The following PRKCQ variants were observed in gnomAD, a reference collection of about 807,000 sequenced individuals.
PRKCQ encodes protein kinase C theta type.
Under a neutral mutation model 91.2 loss-of-function variants are expected in PRKCQ, and 41 were observed. The ratio of observed to expected loss-of-function variants is 0.45; its 90% CI spans 0.35 to 0.58. The LOEUF is 0.58. Ranked by LOEUF, PRKCQ falls within the 20% of genes least tolerant of loss-of-function variation. PRKCQ has a pLI of 0.00. For synonymous variants in PRKCQ, 307 were observed against 316.9 expected, an observed-to-expected ratio of 0.97 and a Z score of 0.33; for missense variants, 673 against 896.5, an observed-to-expected ratio of 0.75 and a Z score of 3.18.
chr10:6,442,397 T>C (rs1834015584), intron 15 of PRKCQ, among the ~76,000 whole-genome samples: 1 of 152,230 alleles, frequency 6.6e-6, no homozygotes, highest in African/African-American at 2.4e-5. Context: ...GTGGCAGATA[T>C]TGGACCTAAG....
At chr10:6,505,951 C>A (rs533722547) in intron 4 of PRKCQ, among the ~76,000 whole-genome samples, 1 of 152,092 alleles carries the variant, frequency 6.6e-6, no homozygotes, top group South Asian at 2.1e-4. Context: ...CAGACAAGAC[C>A]CTTTTTCAAT....
At chr10:6,517,485 T>C (rs1402842270) in intron 1 of PRKCQ, among the ~76,000 whole-genome samples, 1 of 151,842 alleles carries the variant, frequency 6.6e-6, no homozygotes, top group East Asian at 1.9e-4. Flanking sequence ...TGACATCCTA[T>C]TGACAGTAGC....
At chr10:6,488,084 A>T (rs1006416762) in intron 8 of PRKCQ, among the ~76,000 whole-genome samples, 2 of 151,936 alleles carry the variant, frequency 1.3e-5, no homozygotes, top group African/African-American at 4.8e-5. Context: ...CAGCTGACAG[A>T]GTCTGTGAGT....
the PRKCQ span, among the ~76,000 whole-genome samples, chr10:6,400,297 C>T: frequency 6.6e-6 from 1 of 152,236 alleles, no homozygotes; most frequent in Admixed American, 6.5e-5. Flanking sequence ...TCTTCCTCAT[C>T]TCCTGCTCTG....
rs569351356 is a variant in PRKCQ, at chr10:6,514,687, T to C, written c.118+331A>G. Among the ~76,000 whole-genome samples the C allele has an allele frequency of 1.5e-4, 23 of 152,332 alleles. No homozygotes were observed. The South Asian group carries it at 4.6e-3, about 30-fold the overall frequency. ...TTTAAAGTAACCAGGCTTAACCACA[T>C]AGGGCTATGTTCTACTTCAGCTCAT... On this transcript the variant is annotated intron_variant, in intron 2 of 17. Coordinates refer to ENST00000263125, the MANE Select transcript of PRKCQ (RefSeq NM_006257.5).
chr10:6,501,282 G>A (rs1198039588), intron 4 of PRKCQ, among the ~76,000 whole-genome samples: 5 of 151,782 alleles, frequency 3.3e-5, no homozygotes, highest in African/African-American at 1.2e-4. Flanking sequence ...GTAAAAAGGT[G>A]AAAAAAAAGA....
the PRKCQ span, among the ~76,000 whole-genome samples, chr10:6,397,237 C>T: frequency 6.6e-6 from 1 of 152,096 alleles, no homozygotes; most frequent in South Asian, 2.1e-4. Context: ...GCTGGGATTA[C>T]AGGCATGCGC....
At position 6,523,860 on chromosome 10, in the gene PRKCQ, G is replaced by A. The variant is rs1035383938; in HGVS notation, c.-9-8716C>T. Among the ~76,000 whole-genome samples, 13 of 152,102 alleles carry A rather than the reference G, an allele frequency of 8.5e-5. No homozygotes were observed. In the East Asian group the frequency reaches 1.2e-3, roughly 14 times the overall value. On this transcript the variant is annotated intron_variant, in intron 1 of 17. Coordinates refer to ENST00000263125, the MANE Select transcript of PRKCQ (RefSeq NM_006257.5). ...CTTAACCTGTTATTTAAAAGCCTCC[G>A]TGTATTGAGTTCAAGTTGCCCCCTT...
In PRKCQ at chr10:6,464,206, C is replaced by A. The variant is rs140870575; in HGVS notation, c.1445+107G>T. 309 of 925,464 alleles carry A rather than the reference C, an allele frequency of 3.3e-4. No individual in the cohort carries two copies. The African/African-American group carries it at 4.4e-3, about 13-fold the overall frequency. 57.3% of individuals were successfully genotyped at this position (925,464 alleles called of 1,614,324 possible). ...CTTGCTCGATGTATTCCCAAGGGTT[C>A]ACCTGGCCCTGGGATTCAGGCATGC... On this transcript the variant is annotated intron_variant, in intron 13 of 17. Transcript: ENST00000263125.
At chr10:6,532,285 T>C (rs534060307) in intron 1 of PRKCQ, among the ~76,000 whole-genome samples, 1 of 152,240 alleles carries the variant, frequency 6.6e-6, no homozygotes, top group South Asian at 2.1e-4. Flanking sequence ...GCATATAATA[T>C]GAAGAGATTA....
In PRKCQ at chr10:6,576,951, C is replaced by A. The variant is rs1041206548; in HGVS notation, c.-10+3260G>T. The stretch of plus-strand genomic sequence containing the variant: ...TTGGAGGTTAAATGAAGCAGTAATG[C>A]CTCTTACATATAAATAAAATTCTGA... On this transcript the variant is annotated intron_variant, in intron 1 of 17. Transcript: ENST00000263125. The surrounding 1 kb of genome is among the most constrained non-coding windows in gnomAD (Gnocchi z 4.2). Among the ~76,000 whole-genome samples the A allele has an allele frequency of 6.6e-6, 1 of 151,986 alleles. No individual in the cohort carries two copies. Among genetic ancestry groups the A allele is most frequent in the Non-Finnish European group, 1.5e-5 (1 of 67,990 alleles).
intron 15 of PRKCQ, among the ~76,000 whole-genome samples, chr10:6,454,545 A>G (rs993901537): frequency 3.9e-5 from 6 of 152,100 alleles, no homozygotes; most frequent in East Asian, 1.9e-4. Context: ...GGTAAGAAAG[A>G]AAGGGGAAAT....
chr10:6,489,515 A>T (rs1305139333), intron 8 of PRKCQ: 3 of 513,514 alleles, frequency 5.8e-6, no homozygotes, highest in South Asian at 4.4e-5. Flanking sequence ...GGCCCTACTT[A>T]AGACGACGGC....
At chr10:6,452,414 T>A (rs374293150) in intron 15 of PRKCQ, among the ~76,000 whole-genome samples, 27 of 151,948 alleles carry the variant, frequency 1.8e-4, no homozygotes, top group Non-Finnish European at 2.5e-4. Context: ...TGCTCAATGA[T>A]ATAAAAGAGG....
intron 1 of PRKCQ, chr10:6,515,546 A>G: frequency 1.0e-6 from 1 of 972,142 alleles, no homozygotes; most frequent in Non-Finnish European, 1.2e-6. Flanking sequence ...ATATAGAGCG[A>G]GTCTATTTTA....
chr10:6,574,115 A>C (rs892391226), intron 1 of PRKCQ, among the ~76,000 whole-genome samples: 7 of 152,180 alleles, frequency 4.6e-5, no homozygotes, highest in African/African-American at 1.7e-4. Context: ...GACCCCGTAA[A>C]AAAAAATGCA....
chr10:6,416,607 C>T, the PRKCQ span, among the ~76,000 whole-genome samples: 2 of 152,288 alleles, frequency 1.3e-5, no homozygotes, highest in Admixed American at 6.5e-5. Context: ...TTTATGCACT[C>T]ATTGGTTGAT....
At chr10:6,544,155 A>G (rs1024198999) in intron 1 of PRKCQ, among the ~76,000 whole-genome samples, 3 of 152,218 alleles carry the variant, frequency 2.0e-5, no homozygotes, top group East Asian at 3.9e-4. Context: ...AGGGTTATGT[A>G]GAATATTCAT....
Position 6,576,061 on chromosome 10 carries a change from G to A in PRKCQ, c.-10+4150C>T, listed in dbSNP as rs1660100537. Reference sequence around the variant, plus strand: ...CTCAAAAAACACAAAACAAAAGACAGCGTTGCTGAGAATGTGGAATAATTG... The same window carrying A: ...CTCAAAAAACACAAAACAAAAGACAACGTTGCTGAGAATGTGGAATAATTG... On this transcript the variant is annotated intron_variant, in intron 1 of 17. Transcript: ENST00000263125. This position sits in a 1 kb window ranked among gnomAD's most constrained non-coding sequence, Gnocchi z 4.2. Among the ~76,000 whole-genome samples the A allele has an allele frequency of 6.6e-6, 1 of 152,000 alleles. No homozygotes were observed. The highest frequency in any genetic ancestry group is 2.1e-4 in the South Asian group (1 of 4,812).
Sources: gnomAD v4.1 joint callset for allele counts (sites outside exome capture counted in the v4.1 genomes callset) on GRCh38, gnomAD v4.1.1 for gene constraint, Gnocchi (gnomAD v3.1) non-coding constraint, MANE v1.5 for transcripts, NCBI Gene and HGNC (gene_info 2026-07-23, HGNC 2026-07-21) for gene names.